Variants in SLC7A11 observed in about 807,000 individuals in gnomAD.
SLC7A11 encodes the protein solute carrier family 7 member 11.
In SLC7A11, 35 loss-of-function variants were observed where a neutral mutation model predicts 54.5. The observed-to-expected ratio is 0.64, with a 90% confidence interval of 0.49 to 0.85. SLC7A11 has a LOEUF of 0.85. Among genes scored for constraint, SLC7A11 ranks in the 40% least tolerant of loss-of-function variants. SLC7A11 has a pLI of 0.00. For synonymous variants in SLC7A11, 230 were observed against 225.2 expected (o/e 1.02, Z -0.19); for missense variants, 583 against 618.1 (o/e 0.94, Z 0.60).
At chr4:138,203,147 G>GT (rs777461516) in intron 6 of SLC7A11, among the ~76,000 whole-genome samples, 11 of 151,994 alleles carry the variant, frequency 7.2e-5, no homozygotes, top group African/African-American at 2.7e-4. Context: ...GGCCTGTGGT[G>GT]TAAGGCATGC....
At chr4:138,239,676 T>C (rs536754811) in intron 1 of SLC7A11, among the ~76,000 whole-genome samples, 2 of 136,224 alleles carry the variant, frequency 1.5e-5, no homozygotes, top group African/African-American at 5.3e-5. Context: ...TCTCTCTTTT[T>C]ATTTTTTTTT....
chr4:138,201,553 T>C (rs1228433626), intron 6 of SLC7A11, among the ~76,000 whole-genome samples: 1 of 152,104 alleles, frequency 6.6e-6, no homozygotes, highest in East Asian at 1.9e-4. Flanking sequence ...GCTTCAACTC[T>C]GAGACTGAGA....
At position 138,166,360 on chromosome 4, in the gene SLC7A11, A is replaced by G. The variant is rs1490592809; in HGVS notation, c.*5596T>C. 2 of 152,214 alleles carry G rather than the reference A, an allele frequency of 1.3e-5. No homozygotes were observed. The highest frequency in any genetic ancestry group is 1.9e-4 in the East Asian group (1 of 5,190). The allele number at this position is 152,214 out of a possible 1,614,324, so 9.4% of individuals were successfully genotyped here. A position where few individuals can be genotyped will look rare whatever the true frequency, so the allele number is the denominator to read the frequency against. ...AGGTTTTCCCACAAGATGCTGTAAT[A>G]ATACCCTGTCACACAAGGTACTCAA... On this transcript the variant is annotated 3_prime_UTR_variant, in exon 12 of 12. Transcript: ENST00000280612.
At position 138,232,344 on chromosome 4, in the gene SLC7A11, C is replaced by A. The variant is rs373100601; in HGVS notation, c.443G>T (p.Arg148Leu). The change falls in exon 3 of 12, where the codon CGC becomes CTC. Residue 148 changes from arginine (R) to leucine (L), a missense_variant. Physicochemically the swap from Arg to Leu is moderately radical, Grantham distance 102 (BLOSUM62 -2). Coordinates refer to ENST00000280612, the MANE Select transcript of SLC7A11 (RefSeq NM_014331.4). Reference protein sequence around the residue: ...ATAVISLAFGRYILEPFFIQC... With the variant: ...ATAVISLAFGLYILEPFFIQC... ...AATAAAAAATGGTTCCAGAATGTAGCGTCCAAATGCCAGGGATATCACAGC... is the reference window on the plus strand; with the variant it reads ...AATAAAAAATGGTTCCAGAATGTAGAGTCCAAATGCCAGGGATATCACAGC... 4 of 1,613,248 alleles carry A rather than the reference C, an allele frequency of 2.5e-6. No individual in the cohort carries two copies. Among genetic ancestry groups the A allele is most frequent in the Non-Finnish European group, 3.4e-6 (4 of 1,179,352 alleles).
chr4:138,208,145 C>T (rs6537245), intron 6 of SLC7A11, among the ~76,000 whole-genome samples: 125,513 of 151,994 alleles, frequency 0.83, 53,281 homozygotes, highest in East Asian at 0.96. Context: ...TTAATATAAA[C>T]TGGAAGTAGG....
At position 138,164,404 on chromosome 4, in the gene SLC7A11, C is replaced by T. The variant is rs1465118160; in HGVS notation, c.*7552G>A. On this transcript the variant is annotated 3_prime_UTR_variant, in exon 12 of 12. Transcript: ENST00000280612. Reference sequence around the variant, plus strand: ...ACCATCTGGCATTGTGATTGCAGTACCAGAACTCTCCCCAGAGGGAACTCA... The same window carrying T: ...ACCATCTGGCATTGTGATTGCAGTATCAGAACTCTCCCCAGAGGGAACTCA... 1 of 152,110 alleles carries T rather than the reference C, an allele frequency of 6.6e-6. No individual in the cohort carries two copies. The highest frequency in any genetic ancestry group is 2.4e-5 in the African/African-American group (1 of 41,436). 9.4% of individuals were successfully genotyped at this position (152,110 alleles called of 1,614,324 possible).
In SLC7A11 at chr4:138,240,579, A is replaced by C. The variant is rs575782424; in HGVS notation, c.277+1214T>G. 3.3e-3 allele frequency among the ~76,000 whole-genome samples: 508 copies of C among 151,764 alleles called. 7 individuals carry two copies. Among genetic ancestry groups the C allele is most frequent in the African/African-American group, 0.012 (495 of 41,354 alleles). ...AGTCTCTGTCTCAAAAAAAAAAAAA[A>C]AATGGAATTTGAGTTCTCTAGATGA... On this transcript the variant is annotated intron_variant, in intron 1 of 11. Coordinates refer to ENST00000280612, the MANE Select transcript of SLC7A11 (RefSeq NM_014331.4).
intron 1 of SLC7A11, among the ~76,000 whole-genome samples, chr4:138,239,875 A>G (rs1262222685): frequency 6.6e-6 from 1 of 152,198 alleles, no homozygotes; most frequent in Non-Finnish European, 1.5e-5. Flanking sequence ...AGTCCAGTAA[A>G]CTGGTTGTGG....
At chr4:138,181,682 C>T (rs1039770891) in intron 9 of SLC7A11, among the ~76,000 whole-genome samples, 1 of 152,062 alleles carries the variant, frequency 6.6e-6, no homozygotes, top group South Asian at 2.1e-4. Context: ...TATAACATTG[C>T]CAATGGGTAT....
intron 5 of SLC7A11, among the ~76,000 whole-genome samples, chr4:138,218,854 GA>G (rs896966929): frequency 6.6e-6 from 1 of 151,126 alleles, no homozygotes; most frequent in Non-Finnish European, 1.5e-5. Flanking sequence ...CGAGAAGCTG[GA>G]AAAAAAAATC....
Position 138,171,953 on chromosome 4 carries a change from A to T in SLC7A11, c.*3T>A, listed in dbSNP as rs1178820156. On this transcript the variant is annotated 3_prime_UTR_variant, in exon 12 of 12. Coordinates refer to ENST00000280612, the MANE Select transcript of SLC7A11 (RefSeq NM_014331.4). ...AGATTGCCAAGATCTCAAGTCCATTAGTTCATAACTTATCTTCTTCTGGTA... is the reference window on the plus strand; with the variant it reads ...AGATTGCCAAGATCTCAAGTCCATTTGTTCATAACTTATCTTCTTCTGGTA... 2 of 1,590,154 alleles carry T rather than the reference A, an allele frequency of 1.3e-6. No homozygotes were observed. The highest frequency in any genetic ancestry group is 4.7e-5 in the East Asian group (2 of 42,958).
intron 11 of SLC7A11, among the ~76,000 whole-genome samples, 156 bp downstream of exon 11, chr4:138,179,061 T>G (rs1578630936): frequency 6.6e-6 from 1 of 152,272 alleles, no homozygotes; most frequent in South Asian, 2.1e-4. Context: ...CTAAATGTCC[T>G]TCCTGCCAAA....
intron 6 of SLC7A11, among the ~76,000 whole-genome samples, chr4:138,212,837 G>C (rs1276069267): frequency 6.6e-6 from 1 of 151,864 alleles, no homozygotes; most frequent in African/African-American, 2.4e-5. Flanking sequence ...TAAATGTTAT[G>C]TTATAGGTCT....
chr4:138,214,609 G>T lies in SLC7A11; in HGVS notation c.767C>A (p.Thr256Asn). ...YAGWFYLNFV[T>N]EEVENPEKTI... ...CTTTTCAGGGTTTTCTACTTCTTCA[G>T]TAACAAAGTTGAGGTAAAACCTAAA... The change falls in exon 6 of 12, where the codon ACT becomes AAT. Residue 256 changes from threonine to asparagine, a missense_variant. Physicochemically the swap from Thr to Asn is moderately conservative, Grantham distance 65. Transcript: ENST00000280612. 1 of 1,429,164 alleles carries T rather than the reference G, an allele frequency of 7.0e-7. No homozygotes were observed. Among genetic ancestry groups the T allele is most frequent in the Non-Finnish European group, 9.5e-7 (1 of 1,052,414 alleles). The allele number at this position is 1,429,164 out of a possible 1,614,324, so 88.5% of individuals were successfully genotyped here. A position where few individuals can be genotyped will look rare whatever the true frequency, so the allele number is the denominator to read the frequency against.
At position 138,180,638 on chromosome 4, in the gene SLC7A11, T is replaced by C; in HGVS notation, c.1266+3A>G. ...GTAAACCCATCAAGATTGCTGAGGT[T>C]ACCTTGAAAGGACGATGCATATCTG... On this transcript the variant is annotated splice_donor_region_variant and intron_variant, in intron 10 of 11. Coordinates refer to ENST00000280612, the MANE Select transcript of SLC7A11 (RefSeq NM_014331.4). 6.2e-7 allele frequency: 1 copy of C among 1,612,502 alleles called. No individual in the cohort carries two copies. Among genetic ancestry groups the C allele is most frequent in the African/African-American group, 1.3e-5 (1 of 74,942 alleles).
intron 6 of SLC7A11, among the ~76,000 whole-genome samples, chr4:138,189,291 ATCGT>A (rs1245964195): frequency 1.8e-4 from 27 of 152,282 alleles, no homozygotes; most frequent in Non-Finnish European, 2.9e-5. Flanking sequence ...GTCATTTTAA[ATCGT>A]TTGTGGAATG....
At chr4:138,232,186 T>G (rs1371500847) in intron 3 of SLC7A11, 81 bp downstream of exon 3, 1 of 954,698 alleles carries the variant, frequency 1.0e-6, no homozygotes, top group East Asian at 2.4e-5. Context: ...AATCCCGCAA[T>G]GCAAAAAGTC....
At chr4:138,178,670 A>T (rs149895413) in intron 11 of SLC7A11, among the ~76,000 whole-genome samples, 3 of 152,126 alleles carry the variant, frequency 2.0e-5, no homozygotes, top group South Asian at 2.1e-4. Flanking sequence ...AGTAAAATTT[A>T]AAAAAAATTA....
At chr4:138,212,523 G>C (rs190077335) in intron 6 of SLC7A11, among the ~76,000 whole-genome samples, 101 of 150,866 alleles carry the variant, frequency 6.7e-4, no homozygotes, top group African/African-American at 2.2e-3. Flanking sequence ...AAAAAACACT[G>C]AATCAATACA....
Sources: gnomAD v4.1 joint callset for allele counts (sites outside exome capture counted in the v4.1 genomes callset) on GRCh38, gnomAD v4.1.1 for gene constraint, MANE v1.5 for transcripts, NCBI Gene and HGNC (gene_info 2026-07-23, HGNC 2026-07-21) for gene names.